The following KAT2B variants were observed in gnomAD, a reference collection of about 807,000 sequenced individuals.
KAT2B encodes the protein lysine acetyltransferase 2B.
A neutral mutation model predicts 105.9 loss-of-function variants in KAT2B; 36 were observed. That is an observed-to-expected ratio of 0.34 (90% CI 0.26 to 0.45). KAT2B has a LOEUF of 0.45. KAT2B is among the 20% of genes least tolerant of loss of function. KAT2B has a pLI of 1.00. For synonymous variants in KAT2B, 397 were observed against 377.9 expected, an observed-to-expected ratio of 1.05 and a Z score of -0.59; for missense variants, 820 against 1,021.6, an observed-to-expected ratio of 0.80 and a Z score of 2.69.
At chr3:20,125,139 G>A (rs1187222728) in intron 9 of KAT2B, among the ~76,000 whole-genome samples, 4 of 152,004 alleles carry the variant, frequency 2.6e-5, no homozygotes, top group African/African-American at 4.8e-5. Context: ...TGGCTAACAC[G>A]GTGAAACCCC....
chr3:20,099,766 A>G, intron 3 of KAT2B, 96 bp from the exon 4 acceptor site: 1 of 654,300 alleles, frequency 1.5e-6, no homozygotes, highest in Non-Finnish European at 2.8e-6. Context: ...TGTAAGAGAG[A>G]GAGAGAGAGA....
chr3:20,081,077 A>C (rs1433522707), intron 2 of KAT2B, among the ~76,000 whole-genome samples: 1 of 152,198 alleles, frequency 6.6e-6, no homozygotes, highest in Non-Finnish European at 1.5e-5. Context: ...CCTTTTGCAC[A>C]TTAGTCAATT....
At position 20,072,406 on chromosome 3, in the gene KAT2B, A is replaced by G; in HGVS notation, c.377A>G (p.Gln126Arg). ...CCCACTCCCCCCAGAGCCGACCTGC[A>G]GCAAATAATTGTCAGTCTAACAGAA... ...PSPTPPRADL[Q>R]QIIVSLTESC... Residue 126 changes from glutamine to arginine, a missense_variant, in exon 2 of 18, where the codon CAG (glutamine) becomes CGG (arginine). Physicochemically the swap from Gln to Arg is conservative, Grantham distance 43. This residue lies in a region of KAT2B where 190 missense variants were observed against 176.7 expected (regional missense o/e 1.08). Transcript: ENST00000263754. 1 of 1,613,892 alleles carries G rather than the reference A, an allele frequency of 6.2e-7. No individual in the cohort carries two copies. The highest frequency in any genetic ancestry group is 8.5e-7 in the Non-Finnish European group (1 of 1,179,754).
chr3:20,105,425 A>C (rs966078473), intron 5 of KAT2B, among the ~76,000 whole-genome samples: 2 of 152,166 alleles, frequency 1.3e-5, no homozygotes, highest in African/African-American at 4.8e-5. Context: ...TAGATTTTGA[A>C]TTGTGTAGAA....
chr3:20,052,968 C>T (rs1248918895), intron 1 of KAT2B, among the ~76,000 whole-genome samples: 2 of 152,152 alleles, frequency 1.3e-5, no homozygotes, highest in African/African-American at 4.8e-5. Flanking sequence ...AAGAGCTAGA[C>T]TCCGTCTTCA....
intron 2 of KAT2B, among the ~76,000 whole-genome samples, chr3:20,092,216 C>T (rs1575128166): frequency 1.1e-5 from 1 of 87,590 alleles, no homozygotes; most frequent in East Asian, 2.6e-4. Context: ...TCTACTTTCA[C>T]ATATTTATTT....
intron 2 of KAT2B, among the ~76,000 whole-genome samples, chr3:20,079,647 G>C (rs1698485153): frequency 6.6e-6 from 1 of 152,148 alleles, no homozygotes; most frequent in Non-Finnish European, 1.5e-5. Context: ...CAGATCATTT[G>C]ACTCAACACA....
At chr3:20,053,281 G>C (rs557777026) in intron 1 of KAT2B, among the ~76,000 whole-genome samples, 1 of 152,118 alleles carries the variant, frequency 6.6e-6, no homozygotes, top group Non-Finnish European at 1.5e-5. Flanking sequence ...CCCAGGTGTG[G>C]GATCCTACTT....
At chr3:20,062,377 A>G (rs1182981377) in intron 1 of KAT2B, among the ~76,000 whole-genome samples, 1 of 83,084 alleles carries the variant, frequency 1.2e-5, no homozygotes, top group Non-Finnish European at 3.0e-5. Context: ...TTTATAATAT[A>G]TTATATATAA....
intron 1 of KAT2B, among the ~76,000 whole-genome samples, chr3:20,049,118 T>C (rs1323889217): frequency 1.3e-5 from 2 of 152,082 alleles, no homozygotes; most frequent in Non-Finnish European, 2.9e-5. Flanking sequence ...CCTTGGCCTC[T>C]CAAAGTGCCG....
At chr3:20,133,192 T>C (rs1699541834) in intron 11 of KAT2B, among the ~76,000 whole-genome samples, 1 of 152,230 alleles carries the variant, frequency 6.6e-6, no homozygotes, top group South Asian at 2.1e-4. Context: ...TATTGGAACT[T>C]ACTGAACTTA....
At chr3:20,051,250 G>A (rs2125166289) in intron 1 of KAT2B, among the ~76,000 whole-genome samples, 1 of 151,464 alleles carries the variant, frequency 6.6e-6, no homozygotes, top group Admixed American at 6.6e-5. Flanking sequence ...AGGGGTACTT[G>A]GCCAAGTAGA....
In KAT2B at chr3:20,040,583, C is replaced by G. The variant is rs1575098653; in HGVS notation, c.106C>G (p.Pro36Ala). The G allele has an allele frequency of 2.6e-6, 3 of 1,170,218 alleles. No homozygotes were observed. Among genetic ancestry groups the G allele is most frequent in the East Asian group, 3.7e-5 (1 of 27,004 alleles). 72.5% of individuals were successfully genotyped at this position (1,170,218 alleles called of 1,614,324 possible). Residue 36 changes from proline (P) to alanine (A), a missense_variant, in exon 1 of 18, where the codon CCC (proline) becomes GCC (alanine). Physicochemically the swap from Pro to Ala is conservative, Grantham distance 27. Around this residue, in one of 6 missense-constraint regions of KAT2B, gnomAD observed 190 missense variants for 176.7 expected, o/e 1.08. Transcript: ENST00000263754. ...PPQPAALPPA[P>A]PQGSPCAAAA... ...GCAGCCTGCGGCGCTTCCGCCCGCG[C>G]CCCCGCAGGGCTCCCCCTGCGCCGC...
At chr3:20,107,784 C>G (rs2125163135) in intron 5 of KAT2B, among the ~76,000 whole-genome samples, 1 of 149,844 alleles carries the variant, frequency 6.7e-6, no homozygotes, top group Non-Finnish European at 1.5e-5. Context: ...ACCTCCAAAT[C>G]CAGTGTTTAT....
intron 11 of KAT2B, among the ~76,000 whole-genome samples, chr3:20,133,436 A>C (rs1198407565): frequency 6.6e-6 from 1 of 152,150 alleles, no homozygotes; most frequent in Non-Finnish European, 1.5e-5. Flanking sequence ...TAATATTACC[A>C]TATTGGATAG....
At chr3:20,122,865 A>C in intron 9 of KAT2B, 61 bp downstream of exon 9, 6 of 1,536,778 alleles carry the variant, frequency 3.9e-6, no homozygotes, top group Non-Finnish European at 4.4e-6. Context: ...TGGCCACTCC[A>C]GCTGTCAGAA....
chr3:20,094,523 T>C (rs1698776306), intron 2 of KAT2B, among the ~76,000 whole-genome samples: 2 of 152,112 alleles, frequency 1.3e-5, no homozygotes, highest in South Asian at 4.1e-4. Flanking sequence ...GGATTAAATG[T>C]AATAACCTTA....
intron 13 of KAT2B, among the ~76,000 whole-genome samples, chr3:20,141,297 A>G (rs1489834776): frequency 2.0e-5 from 3 of 152,198 alleles, no homozygotes; most frequent in African/African-American, 7.2e-5. Context: ...ATGCATATGA[A>G]TGAAAAGAGA....
chr3:20,080,339 G>C (rs774759565), intron 2 of KAT2B, among the ~76,000 whole-genome samples: 17 of 152,130 alleles, frequency 1.1e-4, no homozygotes, highest in Admixed American at 2.6e-4. Context: ...CTTAGATCTG[G>C]AAGCTCACAC....
Sources: allele counts gnomAD v4.1 joint callset (sites outside exome capture counted in the v4.1 genomes callset), GRCh38; gene constraint gnomAD v4.1.1; regional missense constraint gnomAD v4.1.1; transcripts MANE v1.5; gene names NCBI Gene and HGNC (gene_info 2026-07-23, HGNC 2026-07-21).